The following DNER variants were observed in gnomAD, a reference collection of about 807,000 sequenced individuals.
The protein encoded by DNER is delta/notch like EGF repeat containing, also known as delta and Notch-like epidermal growth factor-related receptor.
Under a neutral mutation model 78.2 loss-of-function variants are expected in DNER, and 33 were observed. The observed-to-expected ratio is 0.42, with a 90% CI of 0.32 to 0.56. The LOEUF (loss-of-function observed/expected upper bound fraction) is 0.56. Ranked by LOEUF, DNER falls within the 20% of genes least tolerant of loss-of-function variation. The pLI, the probability that DNER is intolerant of heterozygous loss-of-function variation, is 0.11. For missense variants in DNER, 918 were observed against 975.3 expected (o/e 0.94, Z 0.78); for synonymous variants, 417 against 384.8 (o/e 1.08, Z -0.98).
chr2:229,563,812 ATC>A (rs1697029626), intron 4 of DNER, among the ~76,000 whole-genome samples: 1 of 124,962 alleles, frequency 8.0e-6, no homozygotes, highest in African/African-American at 3.2e-5. Flanking sequence ...CATCAACATC[ATC>A]ACCCCATCAC....
intron 6 of DNER, among the ~76,000 whole-genome samples, chr2:229,500,155 A>C (rs1483985151): frequency 2.6e-5 from 4 of 152,204 alleles, no homozygotes; most frequent in Non-Finnish European, 4.4e-5. Flanking sequence ...GGATGGTCTC[A>C]ATCTCCTGAC....
intron 5 of DNER, among the ~76,000 whole-genome samples, chr2:229,546,500 C>T (rs1485391180): frequency 6.6e-6 from 1 of 152,206 alleles, no homozygotes; most frequent in East Asian, 1.9e-4. Flanking sequence ...CTGTGGGAGG[C>T]CAAGGCGGGG....
chr2:229,418,586 AG>A (rs1693697648), intron 8 of DNER, among the ~76,000 whole-genome samples: 1 of 152,066 alleles, frequency 6.6e-6, no homozygotes, highest in Non-Finnish European at 1.5e-5. Context: ...GATTTACGGC[AG>A]GGGAGGAGCA....
chr2:229,377,578 CAT>C (rs1209206364), intron 11 of DNER, among the ~76,000 whole-genome samples: 2 of 152,132 alleles, frequency 1.3e-5, no homozygotes, highest in African/African-American at 4.8e-5. Flanking sequence ...TGCCTTAAAA[CAT>C]GTGTAAATCA....
chr2:229,514,914 T>G (rs1574879540), intron 5 of DNER, among the ~76,000 whole-genome samples: 2 of 152,212 alleles, frequency 1.3e-5, no homozygotes, highest in Admixed American at 1.3e-4. Flanking sequence ...GAATACGGTT[T>G]TTTGCTAAGG....
chr2:229,372,776 G>C (rs1559333817), intron 11 of DNER, among the ~76,000 whole-genome samples: 1 of 152,074 alleles, frequency 6.6e-6, no homozygotes, highest in African/African-American at 2.4e-5. Context: ...GTGGTAACTT[G>C]ACCTATGGTG....
intron 9 of DNER, among the ~76,000 whole-genome samples, chr2:229,415,884 G>C (rs550227311): frequency 6.6e-6 from 1 of 152,180 alleles, no homozygotes. Context: ...TCTTTCTTCT[G>C]TATGTAACCT....
chr2:229,679,070 C>G (rs1001438252), intron 1 of DNER, among the ~76,000 whole-genome samples: 1 of 152,110 alleles, frequency 6.6e-6, no homozygotes, highest in Non-Finnish European at 1.5e-5. Context: ...TACTCACTTA[C>G]CCACACTCCT....
intron 10 of DNER, among the ~76,000 whole-genome samples, chr2:229,393,449 A>G (rs1693062635): frequency 6.6e-6 from 1 of 152,074 alleles, no homozygotes; most frequent in Non-Finnish European, 1.5e-5. Context: ...ATAAAAATAA[A>G]AAAATAGTAG....
At chr2:229,387,507 GAGAGAAAGAA>G (rs1559337853) in intron 11 of DNER, among the ~76,000 whole-genome samples, 3,489 of 95,554 alleles carry the variant, frequency 0.037, 48 homozygotes, top group East Asian at 0.096. Flanking sequence ...AAGAAAGAAA[GAGAGAAAGAA>G]AGAAAGAAAG....
At chr2:229,538,645 T>C (rs970791643) in intron 5 of DNER, among the ~76,000 whole-genome samples, 4 of 152,174 alleles carry the variant, frequency 2.6e-5, no homozygotes, top group Non-Finnish European at 5.9e-5. Flanking sequence ...GTATATACTG[T>C]GGAATGAATA....
intron 10 of DNER, among the ~76,000 whole-genome samples, chr2:229,390,984 A>C (rs1693002571): frequency 6.6e-6 from 1 of 152,130 alleles, no homozygotes; most frequent in African/African-American, 2.4e-5. Flanking sequence ...ACTGGCTCTC[A>C]GTTTGAGGCC....
At chr2:229,586,112 A>C in intron 3 of DNER, 88 bp from the exon 4 acceptor site, 1 of 1,440,736 alleles carries the variant, frequency 6.9e-7, no homozygotes, top group Non-Finnish European at 9.3e-7. Context: ...AAATACAAAG[A>C]TGGTATGTGC....
At chr2:229,416,920 T>C (rs1693665570) in intron 9 of DNER, among the ~76,000 whole-genome samples, 1 of 152,136 alleles carries the variant, frequency 6.6e-6, no homozygotes, top group South Asian at 2.1e-4. Context: ...CATGAAAATA[T>C]TTATACACAT....
At chr2:229,502,447 C>G (rs1695641361) in intron 6 of DNER, among the ~76,000 whole-genome samples, 1 of 152,058 alleles carries the variant, frequency 6.6e-6, no homozygotes, top group African/African-American at 2.4e-5. Flanking sequence ...ATAAGAGAGA[C>G]AGAGACTGCC....
rs550740522 is a variant in DNER at position 229,439,106 on chromosome 2, C to T, written c.1486+8210G>A. Among the ~76,000 whole-genome samples, 10 of 152,264 alleles carry T rather than the reference C, an allele frequency of 6.6e-5. 1 individual carries two copies. In the South Asian group the frequency reaches 2.1e-3, roughly 32 times the overall value. On this transcript the variant is annotated intron_variant, in intron 8 of 12. Coordinates refer to ENST00000341772, the MANE Select transcript of DNER (RefSeq NM_139072.4). Reference sequence around the variant, plus strand: ...AAGCCAATTCAATCAAAGAGCTTTGCCCAGCATCTGGCACTTAAATAGTTA... The same window carrying T: ...AAGCCAATTCAATCAAAGAGCTTTGTCCAGCATCTGGCACTTAAATAGTTA...
rs534563596 is a variant in DNER, at chr2:229,386,717, T to C, written c.1855+1548A>G. Among the ~76,000 whole-genome samples the C allele has an allele frequency of 2.0e-5, 3 of 150,858 alleles. No individual in the cohort carries two copies. In the South Asian group the frequency reaches 6.3e-4, roughly 32 times the overall value. On this transcript the variant is annotated intron_variant, in intron 11 of 12. Transcript: ENST00000341772. Reference sequence around the variant, plus strand: ...GACATTCATGCAGCCAACAAAAATATGAAAAAAAAGCTCATCATCACTGGT... The same window carrying C: ...GACATTCATGCAGCCAACAAAAATACGAAAAAAAAGCTCATCATCACTGGT...
chr2:229,499,403 C>T (rs1310039405), intron 6 of DNER, among the ~76,000 whole-genome samples: 2 of 149,808 alleles, frequency 1.3e-5, no homozygotes, highest in African/African-American at 2.5e-5. Context: ...CAAGATCATG[C>T]CACTGCACTC....
intron 5 of DNER, among the ~76,000 whole-genome samples, chr2:229,539,749 T>C (rs971832632): frequency 6.6e-6 from 1 of 152,200 alleles, no homozygotes; most frequent in Non-Finnish European, 1.5e-5. Flanking sequence ...CAGTCACTAA[T>C]GTCGAAGAGC....
Sources: allele counts gnomAD v4.1 joint callset (sites outside exome capture counted in the v4.1 genomes callset), GRCh38; gene constraint gnomAD v4.1.1; transcripts MANE v1.5; gene names NCBI Gene and HGNC (gene_info 2026-07-23, HGNC 2026-07-21).